FHOD3: variants seen among roughly 807,000 people sequenced by gnomAD.
FHOD3 encodes the protein FH1/FH2 domain-containing protein 3.
Under a neutral mutation model 173.0 loss-of-function variants are expected in FHOD3, and 90 were observed. The observed-to-expected ratio is 0.52, with a 90% CI of 0.44 to 0.62. The LOEUF (loss-of-function observed/expected upper bound fraction) is 0.62. Among genes scored for constraint, FHOD3 ranks in the 20% least tolerant of loss-of-function variants. The probability of loss-of-function intolerance (pLI) is 0.00; values close to 1 mark genes in which losing one functional copy is unlikely to be tolerated. For missense variants in FHOD3, 1,945 were observed against 2,034.7 expected (o/e 0.96, Z 0.85); for synonymous variants, 828 against 823.0 (o/e 1.01, Z -0.10).
intron 5 of FHOD3, among the ~76,000 whole-genome samples, chr18:36,556,381 T>C (rs1599643259): frequency 1.3e-5 from 2 of 152,228 alleles, no homozygotes; most frequent in African/African-American, 4.8e-5. Context: ...GAAACCCACA[T>C]GGAGAGAGGG....
At chr18:36,702,103 C>T (rs573649161) in intron 17 of FHOD3, among the ~76,000 whole-genome samples, 101 of 152,332 alleles carry the variant, frequency 6.6e-4, no homozygotes, top group Non-Finnish European at 1.2e-3. Flanking sequence ...CATCCTCATG[C>T]AACTATTCCT....
intron 25 of FHOD3, 140 bp from the exon 26 acceptor site, chr18:36,758,977 GA>G (rs2042752580): frequency 4.5e-6 from 4 of 883,420 alleles, no homozygotes; most frequent in Non-Finnish European, 5.3e-6. Context: ...CCCAACTCAA[GA>G]GGATGTATCC....
intron 1 of FHOD3, among the ~76,000 whole-genome samples, chr18:36,303,385 T>C (rs978198823): frequency 2.0e-5 from 3 of 152,130 alleles, no homozygotes; most frequent in African/African-American, 7.2e-5. Flanking sequence ...TGCATTGCCT[T>C]TGCATGCGGC....
chr18:36,402,104 A>G (rs1485084614), intron 3 of FHOD3, among the ~76,000 whole-genome samples: 1 of 152,232 alleles, frequency 6.6e-6, no homozygotes, highest in Non-Finnish European at 1.5e-5. Context: ...TGAGAACAGT[A>G]TAAGCCAACA....
intron 3 of FHOD3, among the ~76,000 whole-genome samples, chr18:36,406,859 C>G (rs1001946023): frequency 2.0e-5 from 3 of 152,266 alleles, no homozygotes; most frequent in Admixed American, 2.0e-4. Flanking sequence ...TGTGTGTGTT[C>G]TCACCTGGCT....
At chr18:36,500,972 C>T (rs747066021) in intron 3 of FHOD3, among the ~76,000 whole-genome samples, 1 of 152,186 alleles carries the variant, frequency 6.6e-6, no homozygotes, top group African/African-American at 2.4e-5. Context: ...CAGAACAGGA[C>T]TCCCTCCGGT....
chr18:36,435,473 C>T (rs1448985371), intron 3 of FHOD3, among the ~76,000 whole-genome samples: 1 of 152,058 alleles, frequency 6.6e-6, no homozygotes, highest in Admixed American at 6.5e-5. Flanking sequence ...TTGTGGGTTT[C>T]TCACTAAGTA....
At chr18:36,731,807 C>T (rs546596065) in intron 20 of FHOD3, among the ~76,000 whole-genome samples, 9 of 152,328 alleles carry the variant, frequency 5.9e-5, no homozygotes, top group Admixed American at 2.6e-4. Context: ...GCACACAGTA[C>T]GTAGAGGGGT....
intron 3 of FHOD3, among the ~76,000 whole-genome samples, chr18:36,414,254 A>C (rs1013751218): frequency 6.6e-6 from 1 of 152,244 alleles, no homozygotes; most frequent in Admixed American, 6.5e-5. Flanking sequence ...TCCTCATGAC[A>C]GCCTAAGTGA....
At chr18:36,347,951 C>CA (rs1231716222) in intron 1 of FHOD3, among the ~76,000 whole-genome samples, 1 of 152,230 alleles carries the variant, frequency 6.6e-6, no homozygotes, top group East Asian at 1.9e-4. Context: ...ACCACATTCT[C>CA]ACTATCACCT....
At chr18:36,406,452 G>A (rs573559829) in intron 3 of FHOD3, among the ~76,000 whole-genome samples, 26 of 152,272 alleles carry the variant, frequency 1.7e-4, no homozygotes, top group Admixed American at 3.9e-4. Flanking sequence ...TGAGGATGGC[G>A]CATTTGGGTC....
intron 4 of FHOD3, among the ~76,000 whole-genome samples, chr18:36,510,197 A>G (rs914232109): frequency 6.6e-6 from 1 of 152,234 alleles, no homozygotes; most frequent in African/African-American, 2.4e-5. Flanking sequence ...ATCACAGCTT[A>G]ATATATGGCT....
intron 5 of FHOD3, among the ~76,000 whole-genome samples, chr18:36,570,375 C>CT (rs1301507173): frequency 6.6e-6 from 1 of 152,094 alleles, no homozygotes; most frequent in African/African-American, 2.4e-5. Flanking sequence ...AGCCCCATTA[C>CT]TGTAACTATT....
rs554267078 is a variant in FHOD3, at chr18:36,768,869, C to T, written c.4625-396C>T. 2.0e-5 allele frequency among the ~76,000 whole-genome samples: 3 copies of T among 152,300 alleles called. No homozygotes were observed. The East Asian group carries it at 5.8e-4, about 29-fold the overall frequency. ...AGTCTCTACATTACTAGATGTGCAT[C>T]ACCGGATATTGATGGCTGTGTAGCA... On this transcript the variant is annotated intron_variant, in intron 27 of 28. Transcript: ENST00000590592.
At chr18:36,767,795 G>A (rs1475891819) in intron 27 of FHOD3, among the ~76,000 whole-genome samples, 1 of 152,104 alleles carries the variant, frequency 6.6e-6, no homozygotes, top group Non-Finnish European at 1.5e-5. Flanking sequence ...ATAGCACAGT[G>A]TGTATTTGCA....
intron 5 of FHOD3, among the ~76,000 whole-genome samples, chr18:36,562,221 T>G (rs2058112152): frequency 6.6e-6 from 1 of 152,142 alleles, no homozygotes; most frequent in South Asian, 2.1e-4. Context: ...TTCACCATGT[T>G]GGCCAGTCTG....
chr18:36,527,790 T>C (rs1449689521), intron 5 of FHOD3, among the ~76,000 whole-genome samples: 1 of 73,774 alleles, frequency 1.4e-5, no homozygotes, highest in African/African-American at 3.4e-5. Context: ...GGATTTATAT[T>C]TGAGTGACAT....
At chr18:36,774,942 C>T (rs562314326) in intron 28 of FHOD3, among the ~76,000 whole-genome samples, 2 of 152,266 alleles carry the variant, frequency 1.3e-5, no homozygotes, top group East Asian at 1.9e-4. Flanking sequence ...GTAGAACATC[C>T]TTCCATTTGG....
intron 18 of FHOD3, among the ~76,000 whole-genome samples, chr18:36,717,377 G>T (rs2040516581): frequency 6.6e-6 from 1 of 152,142 alleles, no homozygotes; most frequent in Non-Finnish European, 1.5e-5. Context: ...TGTTTTTGAG[G>T]CACTTTGAGC....
Sources: allele counts gnomAD v4.1 joint callset (sites outside exome capture counted in the v4.1 genomes callset), GRCh38; gene constraint gnomAD v4.1.1; transcripts MANE v1.5; gene names NCBI Gene and HGNC (gene_info 2026-07-23, HGNC 2026-07-21).